MAST4: variants seen among roughly 807,000 people sequenced by gnomAD.
MAST4 encodes the protein microtubule-associated serine/threonine-protein kinase 4.
MAST4 carries 89 observed loss-of-function variants against 162.7 expected under a neutral mutation model. The ratio of observed to expected loss-of-function variants is 0.55; its 90% CI spans 0.46 to 0.65. The LOEUF is 0.65. MAST4 is among the 30% of genes least tolerant of loss of function. The pLI, the probability that MAST4 is intolerant of heterozygous loss-of-function variation, is 0.00. For missense variants in MAST4, 3,153 were observed against 3,374.0 expected, an observed-to-expected ratio of 0.93 and a Z score of 1.62; for synonymous variants, 1,479 against 1,361.1, an observed-to-expected ratio of 1.09 and a Z score of -1.91.
intron 16 of MAST4, among the ~76,000 whole-genome samples, chr5:67,132,221 C>T (rs12518268): frequency 0.048 from 7,303 of 152,042 alleles, 245 homozygotes; most frequent in Admixed American, 0.068. Context: ...ATGTGCAGAA[C>T]GTGCAGGTTT....
intron 5 of MAST4, among the ~76,000 whole-genome samples, chr5:67,062,987 G>A (rs1327641539): frequency 6.6e-6 from 1 of 152,074 alleles, no homozygotes; most frequent in Non-Finnish European, 1.5e-5. Flanking sequence ...GCATCATCTT[G>A]GAATCATCTA....
intron 3 of MAST4, among the ~76,000 whole-genome samples, chr5:66,803,308 A>G (rs1447741965): frequency 6.6e-6 from 1 of 152,198 alleles, no homozygotes; most frequent in African/African-American, 2.4e-5. Flanking sequence ...AACAAGCCTA[A>G]ATAACTAGTC....
intron 19 of MAST4, among the ~76,000 whole-genome samples, chr5:67,139,405 C>G (rs1017097185): frequency 6.6e-6 from 1 of 152,186 alleles, no homozygotes; most frequent in Admixed American, 6.5e-5. Context: ...GCATAACTTG[C>G]AATTTGGGAG....
intron 1 of MAST4, among the ~76,000 whole-genome samples, chr5:66,711,930 C>T (rs916854454): frequency 1.3e-5 from 2 of 152,046 alleles, no homozygotes; most frequent in African/African-American, 4.8e-5. Flanking sequence ...TTTAATCACA[C>T]CTGTAAAGTC....
At chr5:67,157,449 T>C (rs1772669564) in intron 26 of MAST4, among the ~76,000 whole-genome samples, 1 of 152,214 alleles carries the variant, frequency 6.6e-6, no homozygotes, top group South Asian at 2.1e-4. Context: ...TCTTCACTGT[T>C]TTCTGATGAT....
At chr5:66,963,865 T>G (rs1475816456) in intron 4 of MAST4, 1 of 774,592 alleles carries the variant, frequency 1.3e-6, no homozygotes, top group East Asian at 2.4e-5. Context: ...ATTTGATTAC[T>G]TCAGACTCTG....
intron 1 of MAST4, among the ~76,000 whole-genome samples, chr5:66,645,057 A>C (rs1042246019): frequency 6.6e-6 from 1 of 152,056 alleles, no homozygotes; most frequent in African/African-American, 2.4e-5. Context: ...AGTCAAACAG[A>C]AAGTGTTGAG....
intron 1 of MAST4, among the ~76,000 whole-genome samples, chr5:66,722,092 A>G (rs1011248627): frequency 6.6e-6 from 1 of 152,048 alleles, no homozygotes; most frequent in Admixed American, 6.6e-5. Context: ...TATGCTCAAC[A>G]GAGCAGCCAG....
intron 4 of MAST4, among the ~76,000 whole-genome samples, chr5:66,949,355 T>C (rs1021031735): frequency 3.9e-5 from 6 of 152,204 alleles, no homozygotes; most frequent in African/African-American, 1.2e-4. Context: ...AATTGCATCA[T>C]GGTGGTTTAC....
intron 4 of MAST4, among the ~76,000 whole-genome samples, chr5:66,938,453 A>G (rs1335005944): frequency 2.6e-5 from 4 of 152,212 alleles, no homozygotes; most frequent in African/African-American, 9.6e-5. Context: ...ATGGACCTGT[A>G]TCTTTTAATC....
chr5:66,914,793 T>C (rs924307593), intron 4 of MAST4, among the ~76,000 whole-genome samples: 3 of 152,184 alleles, frequency 2.0e-5, no homozygotes, highest in African/African-American at 7.2e-5. Context: ...TCTAGAGACC[T>C]TTTTGGTTGT....
At chr5:66,634,394 G>A (rs1015120221) in intron 1 of MAST4, among the ~76,000 whole-genome samples, 1 of 152,028 alleles carries the variant, frequency 6.6e-6, no homozygotes, top group East Asian at 1.9e-4. Flanking sequence ...TGTTTTTCAT[G>A]CATCTCATCC....
chr5:66,607,577 A>G (rs114599598), intron 1 of MAST4, among the ~76,000 whole-genome samples: 1 of 152,320 alleles, frequency 6.6e-6, no homozygotes, highest in East Asian at 1.9e-4. Context: ...TAACAGTAAT[A>G]TTGGGCTGTA....
At chr5:67,098,106 A>G (rs1171172814) in intron 7 of MAST4, among the ~76,000 whole-genome samples, 1 of 152,156 alleles carries the variant, frequency 6.6e-6, no homozygotes, top group Non-Finnish European at 1.5e-5. Context: ...TAGAATATAT[A>G]CGAATAAAAT....
At chr5:66,968,834 T>C (rs1419177459) in intron 4 of MAST4, among the ~76,000 whole-genome samples, 1 of 152,178 alleles carries the variant, frequency 6.6e-6, no homozygotes, top group Non-Finnish European at 1.5e-5. Flanking sequence ...TCATTGTTAA[T>C]TAAAGTTAGA....
chr5:67,023,186 T>A (rs1233542060), intron 4 of MAST4, among the ~76,000 whole-genome samples: 1 of 152,220 alleles, frequency 6.6e-6, no homozygotes, highest in Non-Finnish European at 1.5e-5. Flanking sequence ...TAATCTAAGT[T>A]ACATATTCCA....
At chr5:66,647,005 T>C (rs1182641829) in intron 1 of MAST4, among the ~76,000 whole-genome samples, 1 of 152,218 alleles carries the variant, frequency 6.6e-6, no homozygotes. Context: ...TTTGGATATA[T>C]GCCCTCTGCT....
chr5:66,716,735 C>T (rs894607339), intron 1 of MAST4, among the ~76,000 whole-genome samples: 1 of 152,130 alleles, frequency 6.6e-6, no homozygotes, highest in Non-Finnish European at 1.5e-5. Flanking sequence ...TCCAGGGCAT[C>T]TGACCTGGAC....
chr5:66,611,532 A>C (rs1247396763), intron 1 of MAST4, among the ~76,000 whole-genome samples: 1 of 152,232 alleles, frequency 6.6e-6, no homozygotes, highest in Non-Finnish European at 1.5e-5. Context: ...AAAGTAGTCT[A>C]TAGTCAAGTT....
Sources: gnomAD v4.1 joint callset for allele counts (sites outside exome capture counted in the v4.1 genomes callset) on GRCh38, gnomAD v4.1.1 for gene constraint, MANE v1.5 for transcripts, NCBI Gene and HGNC (gene_info 2026-07-23, HGNC 2026-07-21) for gene names.